Variants in KDM4C observed in about 807,000 individuals in gnomAD.
KDM4C encodes lysine demethylase 4C.
Under a neutral mutation model 129.3 loss-of-function variants are expected in KDM4C, and 81 were observed. The observed-to-expected ratio is 0.63, with a 90% confidence interval of 0.52 to 0.75. The LOEUF (loss-of-function observed/expected upper bound fraction) is 0.75, where lower values mean the gene tolerates loss of function less well. KDM4C is among the 30% of genes least tolerant of loss of function. KDM4C has a pLI of 0.00. For synonymous variants in KDM4C, 573 were observed against 456.1 expected (o/e 1.26, Z -3.26); for missense variants, 1,457 against 1,304.0 (o/e 1.12, Z -1.81).
At chr9:6,996,714 C>G (rs1258137050) in intron 12 of KDM4C, among the ~76,000 whole-genome samples, 1 of 152,192 alleles carries the variant, frequency 6.6e-6, no homozygotes, top group African/African-American at 2.4e-5. Flanking sequence ...AGCTAACATA[C>G]TTGTGCTGAC....
chr9:6,785,264 T>G (rs1825224601), intron 1 of KDM4C, among the ~76,000 whole-genome samples: 1 of 152,182 alleles, frequency 6.6e-6, no homozygotes, highest in South Asian at 2.1e-4. Context: ...TTCCTTGGCT[T>G]GCAGCTGCAT....
At chr9:6,730,974 G>C (rs776034538) in intron 1 of KDM4C, among the ~76,000 whole-genome samples, 32 of 152,146 alleles carry the variant, frequency 2.1e-4, no homozygotes, top group Non-Finnish European at 3.8e-4. Flanking sequence ...TGACCAAAAG[G>C]ACTCAAATAC....
At chr9:6,791,961 G>T (rs192734926) in intron 1 of KDM4C, among the ~76,000 whole-genome samples, 44 of 152,362 alleles carry the variant, frequency 2.9e-4, no homozygotes, top group Admixed American at 2.7e-3. Flanking sequence ...GGTCGAGGCT[G>T]TGGTGTGCCG....
chr9:6,933,620 C>T (rs1005633712), intron 8 of KDM4C, among the ~76,000 whole-genome samples: 1 of 152,144 alleles, frequency 6.6e-6, no homozygotes, highest in Non-Finnish European at 1.5e-5. Context: ...AAAGCCATTC[C>T]AGTAAAGTTT....
chr9:7,023,201 G>A (rs1305813521), intron 15 of KDM4C, among the ~76,000 whole-genome samples: 1 of 152,156 alleles, frequency 6.6e-6, no homozygotes, highest in Non-Finnish European at 1.5e-5. Flanking sequence ...TTTTGGAAGA[G>A]TTTAAGTAGG....
chr9:7,017,510 G>C (rs915302315), intron 15 of KDM4C, among the ~76,000 whole-genome samples: 2 of 152,070 alleles, frequency 1.3e-5, no homozygotes, highest in African/African-American at 2.4e-5. Context: ...TGTTATAAAA[G>C]TTTAGCTTAC....
Position 6,758,325 on chromosome 9 carries a change from G to A in KDM4C, c.-18+122G>A. On this transcript the variant is annotated intron_variant, in intron 1 of 21. Coordinates refer to ENST00000381309, the MANE Select transcript of KDM4C (RefSeq NM_015061.6). This position sits in a 1 kb window ranked among gnomAD's most constrained non-coding sequence, Gnocchi z 4.6. ...GGCGTCCGGGCGAGCGGCGACGCTG[G>A]GGCAGAGACGCTCCGTCCGTGACTG... The A allele has an allele frequency of 2.0e-6, 1 of 490,602 alleles. No homozygotes were observed. Among genetic ancestry groups the A allele is most frequent in the Non-Finnish European group, 2.6e-6 (1 of 377,604 alleles). 30.4% of individuals were successfully genotyped at this position (490,602 alleles called of 1,614,324 possible).
chr9:6,985,987 G>A (rs1409723419), intron 10 of KDM4C, among the ~76,000 whole-genome samples: 5 of 152,284 alleles, frequency 3.3e-5, no homozygotes, highest in Non-Finnish European at 5.9e-5. Context: ...CACCGTGCCC[G>A]GCTCCTCATC....
intron 17 of KDM4C, among the ~76,000 whole-genome samples, chr9:7,062,511 C>T (rs556372529): frequency 6.6e-6 from 1 of 152,238 alleles, no homozygotes; most frequent in East Asian, 1.9e-4. Context: ...CTTCAGCCTT[C>T]TGAGTAGCTG....
chr9:7,167,549 A>G, intron 20 of KDM4C, among the ~76,000 whole-genome samples: 1 of 152,252 alleles, frequency 6.6e-6, no homozygotes, highest in Non-Finnish European at 1.5e-5. Context: ...AAGGCCAGGA[A>G]GAAAACCCTT....
chr9:6,793,774 C>T (rs1020748802), intron 2 of KDM4C, among the ~76,000 whole-genome samples: 43 of 152,058 alleles, frequency 2.8e-4, no homozygotes, highest in African/African-American at 1.0e-3. Context: ...AACTCCTGAC[C>T]TCAGGTGATC....
chr9:6,862,820 A>C (rs1841187679), intron 5 of KDM4C, among the ~76,000 whole-genome samples: 2 of 151,872 alleles, frequency 1.3e-5, no homozygotes, highest in African/African-American at 4.8e-5. Context: ...ACAAACAAAC[A>C]AACAAACAAA....
intron 18 of KDM4C, among the ~76,000 whole-genome samples, chr9:7,118,836 C>T (rs188372348): frequency 2.8e-4 from 43 of 152,232 alleles, no homozygotes; most frequent in Admixed American, 1.0e-3. Flanking sequence ...GTGACATCTC[C>T]GCCCATGACT....
At chr9:7,029,282 T>G (rs949025051) in intron 15 of KDM4C, among the ~76,000 whole-genome samples, 1 of 127,602 alleles carries the variant, frequency 7.8e-6, no homozygotes, top group Non-Finnish European at 1.6e-5. Flanking sequence ...CTTTCTGGGT[T>G]TCCCCCCACC....
intron 1 of KDM4C, among the ~76,000 whole-genome samples, chr9:6,738,915 A>G (rs1191398444): frequency 6.6e-6 from 1 of 151,348 alleles, no homozygotes; most frequent in East Asian, 1.9e-4. Flanking sequence ...TTTTGTAGAG[A>G]TGGGGTTTCC....
chr9:6,851,096 T>A (rs956330161), intron 5 of KDM4C, among the ~76,000 whole-genome samples: 3 of 152,172 alleles, frequency 2.0e-5, no homozygotes, highest in African/African-American at 7.2e-5. Flanking sequence ...TCATACAGGC[T>A]CCAGTGACAA....
At chr9:6,945,577 T>C (rs1826812658) in intron 8 of KDM4C, among the ~76,000 whole-genome samples, 1 of 152,332 alleles carries the variant, frequency 6.6e-6, no homozygotes, top group Middle Eastern at 3.4e-3. Context: ...AAGATGGGGC[T>C]ACTAAATTTA....
intron 8 of KDM4C, among the ~76,000 whole-genome samples, chr9:6,904,296 A>G (rs1427462665): frequency 6.6e-6 from 1 of 152,066 alleles, no homozygotes; most frequent in African/African-American, 2.4e-5. Flanking sequence ...ACCTATATCT[A>G]TATATGTCTT....
At chr9:6,782,434 G>C (rs1325644969) in intron 1 of KDM4C, among the ~76,000 whole-genome samples, 4 of 152,174 alleles carry the variant, frequency 2.6e-5, no homozygotes, top group Non-Finnish European at 5.9e-5. Flanking sequence ...TTTATTCTCT[G>C]TCATTAGTGA....
Sources: allele counts gnomAD v4.1 joint callset (sites outside exome capture counted in the v4.1 genomes callset), GRCh38; gene constraint gnomAD v4.1.1; non-coding constraint Gnocchi (gnomAD v3.1); transcripts MANE v1.5; gene names NCBI Gene and HGNC (gene_info 2026-07-23, HGNC 2026-07-21).